The following DLG1 variants were observed in gnomAD, a reference collection of about 807,000 sequenced individuals.
The protein encoded by DLG1 is disks large homolog 1.
DLG1 carries 42 observed loss-of-function variants against 123.4 expected under a neutral mutation model. That is an observed-to-expected ratio of 0.34 (90% CI 0.27 to 0.44). The LOEUF is 0.44. Ranked by LOEUF, DLG1 falls within the 20% of genes least tolerant of loss-of-function variation. The pLI is 1.00. For missense variants in DLG1, 942 were observed against 1,082.6 expected (o/e 0.87, Z 1.82); for synonymous variants, 317 against 356.2 (o/e 0.89, Z 1.24).
chr3:197,080,020 T>TA (rs1489618151), intron 17 of DLG1, among the ~76,000 whole-genome samples: 1 of 151,652 alleles, frequency 6.6e-6, no homozygotes, highest in African/African-American at 2.4e-5. Flanking sequence ...ACCCCAAACA[T>TA]AAAACATTGC....
intron 7 of DLG1, among the ~76,000 whole-genome samples, chr3:197,141,910 T>A (rs1289658984): frequency 2.0e-5 from 3 of 152,224 alleles, no homozygotes; most frequent in African/African-American, 7.2e-5. Context: ...TTTTGCCATG[T>A]TGGCCAGGCT....
intron 4 of DLG1, among the ~76,000 whole-genome samples, chr3:197,228,053 A>C (rs573874114): frequency 6.6e-6 from 1 of 152,362 alleles, no homozygotes; most frequent in South Asian, 2.1e-4. Context: ...ATGTTCTTTC[A>C]TTTTAAAACT....
chr3:197,120,076 A>G (rs996779529), intron 11 of DLG1, among the ~76,000 whole-genome samples: 3 of 152,136 alleles, frequency 2.0e-5, no homozygotes, highest in African/African-American at 7.2e-5. Context: ...CCTGGCCAAC[A>G]TGGTGAAATC....
chr3:197,137,345 ACAT>A (rs1785535218), intron 9 of DLG1, among the ~76,000 whole-genome samples: 1 of 152,200 alleles, frequency 6.6e-6, no homozygotes, highest in African/African-American at 2.4e-5. Flanking sequence ...TGCTCATAAT[ACAT>A]ATTATAAACA....
chr3:197,090,782 A>G, intron 15 of DLG1, 130 bp downstream of exon 15: 5 of 493,768 alleles, frequency 1.0e-5, no homozygotes, highest in Non-Finnish European at 1.8e-5. Context: ...GAGAATCAAT[A>G]ATAAAAAACA....
chr3:197,124,660 C>T (rs796836590), intron 11 of DLG1, among the ~76,000 whole-genome samples: 6 of 152,106 alleles, frequency 3.9e-5, no homozygotes, highest in African/African-American at 1.4e-4. Context: ...ACTATAACCC[C>T]CAAACTCCTG....
intron 18 of DLG1, chr3:197,069,515 A>C (rs763184399): frequency 2.5e-5 from 7 of 276,746 alleles, no homozygotes; most frequent in Non-Finnish European, 4.7e-5. Flanking sequence ...AGCAAGTAGA[A>C]TATGACAAAA....
chr3:197,200,301 C>T (rs1189486352), intron 4 of DLG1, among the ~76,000 whole-genome samples: 3 of 152,130 alleles, frequency 2.0e-5, no homozygotes, highest in East Asian at 3.9e-4. Context: ...CTATCTACCC[C>T]TCAAATACTT....
chr3:197,107,530 G>A (rs1767211951), intron 13 of DLG1, among the ~76,000 whole-genome samples: 1 of 151,642 alleles, frequency 6.6e-6, no homozygotes, highest in South Asian at 2.1e-4. Context: ...GGGCGACAGA[G>A]CAAGACTCTG....
intron 11 of DLG1, among the ~76,000 whole-genome samples, chr3:197,121,407 T>G (rs1188501900): frequency 6.6e-6 from 1 of 152,018 alleles, no homozygotes; most frequent in Non-Finnish European, 1.5e-5. Flanking sequence ...GAAAAGCAAG[T>G]AGAAGAGCTT....
intron 4 of DLG1, among the ~76,000 whole-genome samples, chr3:197,272,837 T>C (rs1344523497): frequency 6.6e-6 from 1 of 152,192 alleles, no homozygotes; most frequent in Non-Finnish European, 1.5e-5. Context: ...GAAGAGGGGA[T>C]AGGTAGTAAA....
In DLG1 at chr3:197,261,302, T is replaced by C. The variant is rs139611505; in HGVS notation, c.318+21377A>G. Among the ~76,000 whole-genome samples the C allele has an allele frequency of 1.0e-3, 153 of 152,280 alleles. 2 individuals carry two copies. The Middle Eastern group carries it at 0.017, about 17-fold the overall frequency. ...AAATGCCATAGTGAAGTTAGCTACATGTGGTGGCCTGCGCCTGTAGTCCTA... is the reference window on the plus strand; with the variant it reads ...AAATGCCATAGTGAAGTTAGCTACACGTGGTGGCCTGCGCCTGTAGTCCTA... On this transcript the variant is annotated intron_variant, in intron 4 of 24. Coordinates refer to ENST00000667157, the MANE Select transcript of DLG1 (RefSeq NM_001366207.1).
chr3:197,105,055 A>T, intron 13 of DLG1, 50 bp from the exon 14 acceptor site: 4 of 1,186,494 alleles, frequency 3.4e-6, no homozygotes, highest in Non-Finnish European at 4.9e-6. Flanking sequence ...CACTGTGATT[A>T]GAAATCACAA....
At chr3:197,212,971 T>A (rs529683984) in intron 4 of DLG1, among the ~76,000 whole-genome samples, 1 of 152,218 alleles carries the variant, frequency 6.6e-6, no homozygotes, top group South Asian at 2.1e-4. Context: ...AAGACAAGCA[T>A]TGGTGAAAAT....
rs137991781 is a variant in DLG1, at chr3:197,284,629, T to C, written c.152-1784A>G. Reference sequence around the variant, plus strand: ...CTTACCAAATACCAAAGAATTGAAATCACCTATTACATTTTTATTTACTAC... The same window carrying C: ...CTTACCAAATACCAAAGAATTGAAACCACCTATTACATTTTTATTTACTAC... On this transcript the variant is annotated intron_variant, in intron 3 of 24. Coordinates refer to ENST00000667157, the MANE Select transcript of DLG1 (RefSeq NM_001366207.1). Among the ~76,000 whole-genome samples the C allele has an allele frequency of 3.0e-3, 459 of 152,268 alleles. 1 individual carries two copies. The highest frequency in any genetic ancestry group is 0.011 in the African/African-American group (438 of 41,540).
chr3:197,066,853 GAA>G (rs370610813), intron 19 of DLG1, 99 bp from the exon 20 acceptor site: 14 of 730,952 alleles, frequency 1.9e-5, no homozygotes, highest in African/African-American at 1.8e-4. Context: ...ACTTTCCTGA[GAA>G]AATGGCAAAG....
intron 3 of DLG1, among the ~76,000 whole-genome samples, chr3:197,295,025 T>C (rs559558312): frequency 6.6e-6 from 1 of 152,184 alleles, no homozygotes; most frequent in Non-Finnish European, 1.5e-5. Context: ...AAAATGCTTT[T>C]TGCTGTTTTT....
intron 10 of DLG1, among the ~76,000 whole-genome samples, chr3:197,135,060 A>T (rs1298090561): frequency 3.9e-5 from 6 of 152,236 alleles, no homozygotes; most frequent in African/African-American, 9.6e-5. Flanking sequence ...ATAAAATTAC[A>T]GCCAGCTCAG....
At chr3:197,117,998 G>GC (rs1774251918) in intron 12 of DLG1, among the ~76,000 whole-genome samples, 1 of 151,506 alleles carries the variant, frequency 6.6e-6, no homozygotes, top group Admixed American at 6.6e-5. Context: ...TTTGATATTG[G>GC]TAACATCTGA....
Sources: allele counts gnomAD v4.1 joint callset (sites outside exome capture counted in the v4.1 genomes callset), GRCh38; gene constraint gnomAD v4.1.1; transcripts MANE v1.5; gene names NCBI Gene and HGNC (gene_info 2026-07-23, HGNC 2026-07-21).